Variants in DPYD observed in about 807,000 individuals in gnomAD.
DPYD encodes the protein dihydropyrimidine dehydrogenase.
DPYD carries 109 observed loss-of-function variants against 116.2 expected under a neutral mutation model. The ratio of observed to expected loss-of-function variants is 0.94; its 90% CI spans 0.80 to 1.10. The LOEUF (loss-of-function observed/expected upper bound fraction) is 1.10, where lower values mean the gene tolerates loss of function less well. Ranked by LOEUF, DPYD falls within the 50% of genes least tolerant of loss-of-function variation. The probability of loss-of-function intolerance (pLI) is 0.00; values close to 1 mark genes in which losing one functional copy is unlikely to be tolerated. For missense variants in DPYD, 1,302 were observed against 1,254.5 expected, an observed-to-expected ratio of 1.04 and a Z score of -0.57; for synonymous variants, 440 against 432.0, an observed-to-expected ratio of 1.02 and a Z score of -0.23.
intron 19 of DPYD, among the ~76,000 whole-genome samples, chr1:97,197,892 C>T (rs968896090): frequency 3.3e-5 from 5 of 152,124 alleles, no homozygotes; most frequent in Admixed American, 2.6e-4. Flanking sequence ...CCCTGGAATC[C>T]ACCATGAGAC....
chr1:97,205,505 C>T (rs1170331756), intron 19 of DPYD, among the ~76,000 whole-genome samples: 2 of 152,050 alleles, frequency 1.3e-5, no homozygotes, highest in Non-Finnish European at 2.9e-5. Context: ...ATCCATTCAC[C>T]TATTGAAAAA....
Position 97,549,863 on chromosome 1 carries a change from T to C in DPYD, c.1340-119A>G, listed in dbSNP as rs150686784. The stretch of plus-strand genomic sequence containing the variant: ...ATTGTTCCAGGGATTCAAACAACTG[T>C]TTTTAGTAAACTATAAAAATGAAAA... On this transcript the variant is annotated intron_variant, in intron 11 of 22. Coordinates refer to ENST00000370192, the MANE Select transcript of DPYD (RefSeq NM_000110.4). 5.2e-3 allele frequency: 4,796 copies of C among 914,628 alleles called. 21 individuals carry two copies. Among genetic ancestry groups the C allele is most frequent in the Non-Finnish European group, 5.6e-3 (3,394 of 608,264 alleles). 56.7% of individuals were successfully genotyped at this position (914,628 alleles called of 1,614,324 possible). A position where few individuals can be genotyped will look rare whatever the true frequency, so the allele number is the denominator to read the frequency against.
chr1:97,368,269 G>A (rs1461334957), intron 16 of DPYD, among the ~76,000 whole-genome samples: 2 of 152,062 alleles, frequency 1.3e-5, no homozygotes, highest in Non-Finnish European at 2.9e-5. Flanking sequence ...TTGCTACTTG[G>A]TTACCTTAGG....
At chr1:97,518,243 A>G (rs1489941630) in intron 12 of DPYD, among the ~76,000 whole-genome samples, 2 of 151,942 alleles carry the variant, frequency 1.3e-5, no homozygotes, top group African/African-American at 4.8e-5. Flanking sequence ...CTTCTTATAT[A>G]TTTTTTCTTT....
chr1:97,617,345 C>G (rs1016344672), intron 8 of DPYD, among the ~76,000 whole-genome samples: 4 of 152,100 alleles, frequency 2.6e-5, no homozygotes, highest in Admixed American at 1.3e-4. Flanking sequence ...TGATTTCAGG[C>G]AAATATATTT....
At chr1:97,852,023 C>CAAAAAAAAA (rs555567071) in intron 2 of DPYD, among the ~76,000 whole-genome samples, 1 of 74,290 alleles carries the variant, frequency 1.3e-5, no homozygotes, top group Admixed American at 1.4e-4. Flanking sequence ...GTGCAATTTA[C>CAAAAAAAAA]AAAAAAAAAA....
chr1:97,798,309 T>G (rs1166326195), intron 3 of DPYD, among the ~76,000 whole-genome samples: 1 of 151,952 alleles, frequency 6.6e-6, no homozygotes, highest in African/African-American at 2.4e-5. Flanking sequence ...TGAAATTAAT[T>G]TTTAAACTTT....
intron 20 of DPYD, among the ~76,000 whole-genome samples, chr1:97,119,235 T>C (rs530116972): frequency 6.6e-6 from 1 of 152,306 alleles, no homozygotes; most frequent in East Asian, 1.9e-4. Context: ...CTACAATGGG[T>C]CTCAGCACTT....
At chr1:97,622,167 A>C (rs1335185520) in intron 8 of DPYD, among the ~76,000 whole-genome samples, 1 of 152,076 alleles carries the variant, frequency 6.6e-6, no homozygotes, top group Non-Finnish European at 1.5e-5. Flanking sequence ...CATGATATGC[A>C]AAGAGTCATA....
chr1:97,815,899 T>C (rs893581662), intron 3 of DPYD, among the ~76,000 whole-genome samples: 1 of 152,152 alleles, frequency 6.6e-6, no homozygotes, highest in African/African-American at 2.4e-5. Context: ...AGTGAAGGTG[T>C]TGGCCTTTGA....
At chr1:97,414,524 T>A (rs1427431335) in intron 14 of DPYD, among the ~76,000 whole-genome samples, 2 of 152,204 alleles carry the variant, frequency 1.3e-5, no homozygotes, top group African/African-American at 4.8e-5. Flanking sequence ...CTGATGTGCA[T>A]CAGAGGGGGC....
intron 8 of DPYD, among the ~76,000 whole-genome samples, chr1:97,637,230 T>C (rs1310799949): frequency 6.6e-6 from 1 of 152,054 alleles, no homozygotes; most frequent in African/African-American, 2.4e-5. Context: ...ATGAACATTA[T>C]CACAAACTTT....
At chr1:97,342,244 T>C (rs1558042485) in intron 16 of DPYD, among the ~76,000 whole-genome samples, 1 of 152,196 alleles carries the variant, frequency 6.6e-6, no homozygotes, top group East Asian at 1.9e-4. Flanking sequence ...TGATCTTGTC[T>C]ACTTTCTTCC....
At chr1:97,126,144 G>A (rs1257106315) in intron 20 of DPYD, among the ~76,000 whole-genome samples, 2 of 152,014 alleles carry the variant, frequency 1.3e-5, no homozygotes, top group Non-Finnish European at 2.9e-5. Flanking sequence ...GTGCGTGTGA[G>A]GCTCTTTCCA....
At chr1:97,743,009 A>C (rs532899966) in intron 3 of DPYD, among the ~76,000 whole-genome samples, 22 of 152,260 alleles carry the variant, frequency 1.4e-4, no homozygotes, top group African/African-American at 5.1e-4. Flanking sequence ...TTATAATGTC[A>C]GCAGATATAA....
intron 3 of DPYD, among the ~76,000 whole-genome samples, chr1:97,776,770 TTTTGGAGCACAACAA>T (rs1666429539): frequency 6.6e-6 from 1 of 152,148 alleles, no homozygotes; most frequent in Non-Finnish European, 1.5e-5. Context: ...GCAGTCTACG[TTTTGGAGCACAACAA>T]TTTGGAGCAC....
chr1:97,193,384 T>G, intron 19 of DPYD, 136 bp from the exon 20 acceptor site: 2 of 874,400 alleles, frequency 2.3e-6, no homozygotes, highest in Admixed American at 4.0e-5. Context: ...AGTAGCCGTC[T>G]GGAGATGGGG....
At chr1:97,373,506 C>T (rs941363919) in intron 16 of DPYD, 55 bp downstream of exon 16, 109 of 1,482,550 alleles carry the variant, frequency 7.4e-5, no homozygotes, top group Non-Finnish European at 9.1e-5. Context: ...ACTATCCATA[C>T]GGGGGCCTGT....
chr1:97,655,033 C>T (rs1489462511), intron 8 of DPYD, among the ~76,000 whole-genome samples: 4 of 152,078 alleles, frequency 2.6e-5, no homozygotes, highest in Non-Finnish European at 4.4e-5. Context: ...AATTATCTCC[C>T]ACCCCGTCCC....
Sources: allele counts gnomAD v4.1 joint callset (sites outside exome capture counted in the v4.1 genomes callset), GRCh38; gene constraint gnomAD v4.1.1; transcripts MANE v1.5; gene names NCBI Gene and HGNC (gene_info 2026-07-23, HGNC 2026-07-21).